Variants in BOC observed in about 807,000 individuals in gnomAD.
The protein encoded by BOC is brother of CDO.
In BOC, 76 loss-of-function variants were observed where a neutral mutation model predicts 112.0. The observed-to-expected ratio is 0.68, with a 90% CI of 0.56 to 0.82. The LOEUF is 0.82. BOC is among the 40% of genes least tolerant of loss of function. The pLI is 0.00. For synonymous variants in BOC, 580 were observed against 599.8 expected, an observed-to-expected ratio of 0.97 and a Z score of 0.48; for missense variants, 1,309 against 1,511.7, an observed-to-expected ratio of 0.87 and a Z score of 2.22.
At position 113,270,757 on chromosome 3, in the gene BOC, T is replaced by C. The variant is rs867052428; in HGVS notation, c.524-44T>C. On this transcript the variant is annotated intron_variant, in intron 5 of 19. Transcript: ENST00000682979. ...TTTGTGGAAGCTGCAGAGTGAAGTA[T>C]TCTGGACCCATCCCATCTTCCCCTG... 3.2e-6 allele frequency: 5 copies of C among 1,573,532 alleles called. No individual in the cohort carries two copies. The Middle Eastern group carries it at 8.5e-4, about 269-fold the overall frequency.
chr3:113,238,445 G>A (rs1943860489), intron 2 of BOC, among the ~76,000 whole-genome samples: 1 of 152,070 alleles, frequency 6.6e-6, no homozygotes. Context: ...TTTTAACTCA[G>A]CTGCTTTTTA....
At chr3:113,257,256 T>C (rs1430177441) in intron 4 of BOC, among the ~76,000 whole-genome samples, 1 of 152,206 alleles carries the variant, frequency 6.6e-6, no homozygotes, top group Admixed American at 6.5e-5. Context: ...TATGGAGCCA[T>C]GAGCTCCATT....
chr3:113,274,817 C>T lies in BOC; in HGVS notation c.1542+135C>T, dbSNP rs1576483088. 3 of 886,440 alleles carry T rather than the reference C, an allele frequency of 3.4e-6. No individual in the cohort carries two copies. Among genetic ancestry groups the T allele is most frequent in the Non-Finnish European group, 3.3e-6 (2 of 602,834 alleles). 54.9% of individuals were successfully genotyped at this position (886,440 alleles called of 1,614,324 possible). A position where few individuals can be genotyped will look rare whatever the true frequency, so the allele number is the denominator to read the frequency against. On this transcript the variant is annotated intron_variant, in intron 9 of 19. Transcript: ENST00000682979. This position sits in a 1 kb window ranked among gnomAD's most constrained non-coding sequence, Gnocchi z 4.8. The stretch of plus-strand genomic sequence containing the variant: ...GGTAATCCCCACCACTAAACAGGCC[C>T]TTCTGTCTCCTCCAGTGTCCATCCC...
Position 113,233,380 on chromosome 3 carries a change from G to A in BOC, c.-81-16342G>A, listed in dbSNP as rs532525942. ...GTTGCTTAATCATCACGAGGAAGGG[G>A]CATAGAGAATGACTGCAAGTGACAG... On this transcript the variant is annotated intron_variant, in intron 2 of 19. Transcript: ENST00000682979. 3.8e-4 allele frequency among the ~76,000 whole-genome samples: 58 copies of A among 152,212 alleles called. No individual in the cohort carries two copies. The South Asian group carries it at 9.6e-3, about 25-fold the overall frequency.
intron 2 of BOC, among the ~76,000 whole-genome samples, chr3:113,248,339 C>T (rs1945190348): frequency 6.6e-6 from 1 of 152,192 alleles, no homozygotes; most frequent in African/African-American, 2.4e-5. Flanking sequence ...CTAGGACTGG[C>T]CAGCACAACA....
Position 113,266,169 on chromosome 3 carries a change from G to A in BOC, c.377-2130G>A, listed in dbSNP as rs189301024. Among the ~76,000 whole-genome samples the A allele has an allele frequency of 5.9e-5, 9 of 152,360 alleles. No individual in the cohort carries two copies. The East Asian group carries it at 1.7e-3, about 29-fold the overall frequency. On this transcript the variant is annotated intron_variant, in intron 4 of 19. Coordinates refer to ENST00000682979, the MANE Select transcript of BOC (RefSeq NM_001378074.1). ...TGTTCAGCCTGGAAAGTGAAATGGGGCAATAGAAAGGAATCAGACAGCCAA... is the reference window on the plus strand; with the variant it reads ...TGTTCAGCCTGGAAAGTGAAATGGGACAATAGAAAGGAATCAGACAGCCAA...
At chr3:113,234,776 G>A (rs893150405) in intron 2 of BOC, among the ~76,000 whole-genome samples, 2 of 152,208 alleles carry the variant, frequency 1.3e-5, no homozygotes, top group African/African-American at 2.4e-5. Flanking sequence ...ACTAAGCAGA[G>A]TGCCTTGTTT....
intron 9 of BOC, among the ~76,000 whole-genome samples, chr3:113,275,737 G>C (rs1210247706): frequency 2.0e-5 from 3 of 152,194 alleles, no homozygotes; most frequent in Non-Finnish European, 4.4e-5. Context: ...CAAGAAAACA[G>C]AACCAACCCT....
intron 4 of BOC, among the ~76,000 whole-genome samples, chr3:113,257,266 T>A (rs1303512476): frequency 2.6e-5 from 4 of 152,222 alleles, no homozygotes; most frequent in African/African-American, 9.6e-5. Context: ...TGAGCTCCAT[T>A]CAAACCTCTG....
At chr3:113,263,594 G>A (rs1015505338) in intron 4 of BOC, among the ~76,000 whole-genome samples, 2 of 152,204 alleles carry the variant, frequency 1.3e-5, no homozygotes, top group African/African-American at 2.4e-5. Context: ...ATTTAACTGA[G>A]ACCCAACACA....
At position 113,250,734 on chromosome 3, in the gene BOC, A is replaced by T; in HGVS notation, c.277A>T (p.Ile93Phe). The change falls in exon 4 of 20, where the codon ATC becomes TTC. Residue 93 changes from isoleucine (I) to phenylalanine (F), a missense_variant. By Grantham distance (21) the Ile-to-Phe change is conservative. Coordinates refer to ENST00000682979, the MANE Select transcript of BOC (RefSeq NM_001378074.1). ...GVLITHGTLV[I>F]TALNNHTVGR... ...CCTCATCACCCACGGGACCCTCGTC[A>T]TCACTGCCCTTAACAACCACACTGT... 1 of 1,614,170 alleles carries T rather than the reference A, an allele frequency of 6.2e-7. No individual in the cohort carries two copies. The highest frequency in any genetic ancestry group is 8.5e-7 in the Non-Finnish European group (1 of 1,180,034).
rs776743546 is a variant in BOC, at chr3:113,279,295, C to A, written c.1863C>A (p.Thr621=). ...DRPTISTASE[T]SVYVTWIPRG... The stretch of plus-strand genomic sequence containing the variant: ...CCACCATCTCCACGGCCTCCGAGAC[C>A]TCAGTGTACGTGACCTGGATTCCCC... The change falls in exon 12 of 20, where the codon ACC becomes ACA. Residue 621 remains threonine, a synonymous_variant. Coordinates refer to ENST00000682979, the MANE Select transcript of BOC (RefSeq NM_001378074.1). 6.2e-7 allele frequency: 1 copy of A among 1,614,184 alleles called. No individual in the cohort carries two copies. Among genetic ancestry groups the A allele is most frequent in the Non-Finnish European group, 8.5e-7 (1 of 1,180,032 alleles).
rs538154297 is a variant in BOC at position 113,268,508 on chromosome 3, C to A, written c.523+63C>A. 2.1e-3 allele frequency: 3,200 copies of A among 1,519,502 alleles called. 11 individuals carry two copies. The highest frequency in any genetic ancestry group is 3.0e-3 in the Middle Eastern group (16 of 5,338). The allele number at this position is 1,519,502 out of a possible 1,614,324, so 94.1% of individuals were successfully genotyped here. On this transcript the variant is annotated intron_variant, in intron 5 of 19. Transcript: ENST00000682979. ...AGAAGGGAAGCTGGCCTCCTCCAAC[C>A]GCTCGCTGCTCAACAAAGCTAGGGC...
intron 4 of BOC, among the ~76,000 whole-genome samples, chr3:113,253,297 G>C (rs911846567): frequency 1.3e-5 from 2 of 152,162 alleles, no homozygotes. Context: ...GGCACATAGA[G>C]ATCAGAGATA....
rs1356311232 is a variant in BOC, at chr3:113,274,486, C to G, written c.1346C>G (p.Pro449Arg). ...EQMLRGQPAL[P>R]RPPTSVGPAS... is the part of the protein sequence containing the mutation. ...ATGCTGAGGGGGCAACCGGCGCTCC[C>G]CAGACCCCCAACGTCAGTGGGGCCT... The change falls in exon 9 of 20, where the codon CCC becomes CGC. Residue 449 changes from proline to arginine, a missense_variant. By Grantham distance (103) the Pro-to-Arg change is moderately radical. Transcript: ENST00000682979. This position sits in a 1 kb window ranked among gnomAD's most constrained non-coding sequence, Gnocchi z 4.8. The G allele has an allele frequency of 1.9e-6, 3 of 1,612,254 alleles. No homozygotes were observed. The highest frequency in any genetic ancestry group is 2.5e-6 in the Non-Finnish European group (3 of 1,178,916).
chr3:113,235,653 T>C (rs1468050290), intron 2 of BOC, among the ~76,000 whole-genome samples: 1 of 152,164 alleles, frequency 6.6e-6, no homozygotes, highest in Non-Finnish European at 1.5e-5. Context: ...CTGACTAGTG[T>C]TGGGTAGAGA....
chr3:113,271,656 A>T (rs966578079), intron 6 of BOC: 2 of 172,496 alleles, frequency 1.2e-5, no homozygotes, highest in Non-Finnish European at 2.5e-5. Flanking sequence ...GGCCTCCGAA[A>T]CTGTATAAAT....
In BOC at chr3:113,249,757, C is replaced by T. The variant is rs1014478506; in HGVS notation, c.-46C>T. On this transcript the variant is annotated 5_prime_UTR_variant, in exon 3 of 20. Transcript: ENST00000682979. Reference sequence around the variant, plus strand: ...GGGACGGCAGTATCTCTTTGTGTGACCCTGGCGGCTTATGGGACGTTGGCT... The same window carrying T: ...GGGACGGCAGTATCTCTTTGTGTGATCCTGGCGGCTTATGGGACGTTGGCT... 1.3e-6 allele frequency: 2 copies of T among 1,522,980 alleles called. No homozygotes were observed. Among genetic ancestry groups the T allele is most frequent in the Non-Finnish European group, 9.0e-7 (1 of 1,111,788 alleles). The allele number at this position is 1,522,980 out of a possible 1,614,324, so 94.3% of individuals were successfully genotyped here. A position where few individuals can be genotyped will look rare whatever the true frequency, so the allele number is the denominator to read the frequency against.
intron 2 of BOC, among the ~76,000 whole-genome samples, chr3:113,218,482 C>G (rs1939920834): frequency 6.6e-6 from 1 of 152,164 alleles, no homozygotes; most frequent in Non-Finnish European, 1.5e-5. Context: ...GGGAGCTCTT[C>G]CCTCTTACAT....
Sources: allele counts gnomAD v4.1 joint callset (sites outside exome capture counted in the v4.1 genomes callset), GRCh38; gene constraint gnomAD v4.1.1; non-coding constraint Gnocchi (gnomAD v3.1); transcripts MANE v1.5; gene names NCBI Gene and HGNC (gene_info 2026-07-23, HGNC 2026-07-21).